SYT17: variants seen among roughly 807,000 people sequenced by gnomAD.
SYT17 encodes the protein synaptotagmin 17.
In SYT17, 22 loss-of-function variants were observed where a neutral mutation model predicts 46.7. The observed-to-expected ratio is 0.47, with a 90% CI of 0.34 to 0.67. The LOEUF is 0.67. SYT17 is among the 30% of genes least tolerant of loss of function. The pLI, the probability that SYT17 is intolerant of heterozygous loss-of-function variation, is 0.01. For synonymous variants in SYT17, 251 were observed against 248.4 expected, an observed-to-expected ratio of 1.01 and a Z score of -0.10; for missense variants, 519 against 612.8, an observed-to-expected ratio of 0.85 and a Z score of 1.62.
intron 7 of SYT17, among the ~76,000 whole-genome samples, chr16:19,243,685 A>G (rs57045555): frequency 0.034 from 5,098 of 151,812 alleles, 305 homozygotes; most frequent in African/African-American, 0.12. Context: ...AGGCATGGTG[A>G]CTCATGCCTG....
intron 5 of SYT17, 67 bp from the exon 6 acceptor site, chr16:19,222,978 C>T: frequency 6.3e-7 from 1 of 1,594,670 alleles, no homozygotes; most frequent in Non-Finnish European, 8.6e-7. Context: ...CAATCAATTT[C>T]TTGTATGGTG....
chr16:19,223,329 C>T (rs2142870169), intron 6 of SYT17, among the ~76,000 whole-genome samples, 164 bp downstream of exon 6: 1 of 152,278 alleles, frequency 6.6e-6, no homozygotes, highest in Middle Eastern at 3.4e-3. Flanking sequence ...GGGGAGTTGA[C>T]TGAGACTGGT....
chr16:19,250,355 A>AT (rs1567233169), intron 7 of SYT17, among the ~76,000 whole-genome samples: 1 of 86,282 alleles, frequency 1.2e-5, no homozygotes, highest in East Asian at 3.4e-4. Context: ...TGTCTCAAAC[A>AT]TGTTTGTGTG....
chr16:19,253,904 T>C (rs896206554), intron 7 of SYT17, among the ~76,000 whole-genome samples: 3 of 152,084 alleles, frequency 2.0e-5, no homozygotes, highest in African/African-American at 7.2e-5. Context: ...ATTTTTTGTA[T>C]TTTTAGTAGA....
chr16:19,250,005 G>C lies in SYT17; in HGVS notation c.1229-16875G>C, dbSNP rs551755113. On this transcript the variant is annotated intron_variant, in intron 7 of 7. Transcript: ENST00000355377. ...ACCCAGCTCATGGTATCAGTCCTTG[G>C]ATACCCTCACCTGGAAATGAACATT... is the stretch of plus-strand genomic sequence containing the variant. The C allele has an allele frequency of 6.5e-6, 10 of 1,535,906 alleles. No individual in the cohort carries two copies. In the African/African-American group the frequency reaches 1.4e-4, roughly 21 times the overall value.
At chr16:19,189,475 G>A (rs1964928939) in intron 5 of SYT17, among the ~76,000 whole-genome samples, 1 of 151,868 alleles carries the variant, frequency 6.6e-6, no homozygotes, top group Admixed American at 6.6e-5. Context: ...CAAGTGGCTG[G>A]GACCATGTGG....
chr16:19,170,963 CAT>C (rs1352946641), intron 1 of SYT17: 1 of 152,084 alleles, frequency 6.6e-6, no homozygotes, highest in African/African-American at 2.4e-5. Context: ...CAAGTATTTG[CAT>C]AGTCAGTGTC....
At chr16:19,210,830 C>T (rs555996879) in intron 5 of SYT17, among the ~76,000 whole-genome samples, 4 of 152,272 alleles carry the variant, frequency 2.6e-5, no homozygotes, top group African/African-American at 4.8e-5. Context: ...AATTTGTGTG[C>T]GCACATTTGA....
chr16:19,202,471 C>T (rs528833484), intron 5 of SYT17, among the ~76,000 whole-genome samples: 46 of 152,312 alleles, frequency 3.0e-4, no homozygotes, highest in African/African-American at 7.0e-4. Flanking sequence ...TTGATGTATT[C>T]GCTAACCTAG....
chr16:19,265,285 G>A (rs80167919), intron 7 of SYT17, among the ~76,000 whole-genome samples: 1 of 152,224 alleles, frequency 6.6e-6, no homozygotes, highest in African/African-American at 2.4e-5. Context: ...TGTAAATGAG[G>A]TCCACCTATG....
At chr16:19,203,798 A>G (rs1331774895) in intron 5 of SYT17, among the ~76,000 whole-genome samples, 1 of 152,252 alleles carries the variant, frequency 6.6e-6, no homozygotes, top group Non-Finnish European at 1.5e-5. Context: ...TCAGGCTCAC[A>G]GGAAAGCACG....
At position 19,249,816 on chromosome 16, in the gene SYT17, G is replaced by C. The variant is rs1010301287; in HGVS notation, c.1229-17064G>C. On this transcript the variant is annotated intron_variant, in intron 7 of 7. Transcript: ENST00000355377. ...CTGGTTGGTGTTTCTGGCCATGCAT[G>C]GTCTGTTATTGGAGTCATTGGGATA... The C allele has an allele frequency of 4.2e-6, 4 of 941,532 alleles. No individual in the cohort carries two copies. The South Asian group carries it at 6.2e-5, about 15-fold the overall frequency. 58.3% of individuals were successfully genotyped at this position (941,532 alleles called of 1,614,324 possible).
intron 7 of SYT17, among the ~76,000 whole-genome samples, chr16:19,233,390 A>T (rs1966775099): frequency 6.6e-6 from 1 of 152,054 alleles, no homozygotes; most frequent in African/African-American, 2.4e-5. Context: ...AGTGACTCAC[A>T]TGTATAATCC....
In SYT17 at chr16:19,183,571, A is replaced by G. The variant is rs780756212; in HGVS notation, c.375A>G (p.Lys125=). The change falls in exon 5 of 8, where the codon AAA becomes AAG. Residue 125 remains lysine, a synonymous_variant. Coordinates refer to ENST00000355377, the MANE Select transcript of SYT17 (RefSeq NM_016524.4). The surrounding 1 kb of genome is among the most constrained non-coding windows in gnomAD (Gnocchi z 5.6). ...CCAGCTCTCCACTCATCGATATTAAACCCATCGAGTTTGGCGTTCTCAGCG... is the reference window on the plus strand; with the variant it reads ...CCAGCTCTCCACTCATCGATATTAAGCCCATCGAGTTTGGCGTTCTCAGCG... ...RRPSSPLIDI[K]PIEFGVLSAK... 1.4e-5 allele frequency: 22 copies of G among 1,613,866 alleles called. No homozygotes were observed. The African/African-American group carries it at 2.3e-4, about 17-fold the overall frequency.
chr16:19,215,597 G>A (rs889751684), intron 5 of SYT17, among the ~76,000 whole-genome samples: 1 of 152,008 alleles, frequency 6.6e-6, no homozygotes, highest in Non-Finnish European at 1.5e-5. Context: ...TTTTTTTGTA[G>A]CAAAGTGGGG....
intron 7 of SYT17, among the ~76,000 whole-genome samples, chr16:19,251,559 G>A (rs1032674611): frequency 5.3e-5 from 8 of 152,176 alleles, no homozygotes; most frequent in Admixed American, 1.3e-4. Flanking sequence ...TAGCGCAAGC[G>A]TGAGCAGGCA....
intron 5 of SYT17, among the ~76,000 whole-genome samples, chr16:19,196,449 G>T (rs1466423593): frequency 6.6e-6 from 1 of 151,972 alleles, no homozygotes; most frequent in African/African-American, 2.4e-5. Context: ...CACCATGTTG[G>T]CCGGGCTGGT....
intron 7 of SYT17, among the ~76,000 whole-genome samples, chr16:19,229,708 G>A (rs1966614011): frequency 6.6e-6 from 1 of 152,218 alleles, no homozygotes; most frequent in African/African-American, 2.4e-5. Flanking sequence ...GCACTTGTAG[G>A]TATATACCCA....
intron 7 of SYT17, among the ~76,000 whole-genome samples, chr16:19,237,779 C>T (rs1966868739): frequency 6.6e-6 from 1 of 152,202 alleles, no homozygotes; most frequent in East Asian, 1.9e-4. Flanking sequence ...GCCAGGAACC[C>T]TCATGGACTA....
Sources: allele counts gnomAD v4.1 joint callset (sites outside exome capture counted in the v4.1 genomes callset), GRCh38; gene constraint gnomAD v4.1.1; non-coding constraint Gnocchi (gnomAD v3.1); transcripts MANE v1.5; gene names NCBI Gene and HGNC (gene_info 2026-07-23, HGNC 2026-07-21).